The following PCDHGB5 variants were observed in gnomAD, a reference collection of about 807,000 sequenced individuals.
PCDHGB5 encodes protocadherin gamma-B5.
In PCDHGB5, 48 loss-of-function variants were observed where a neutral mutation model predicts 62.9. The ratio of observed to expected loss-of-function variants is 0.76; its 90% CI spans 0.61 to 0.97. PCDHGB5 has a LOEUF of 0.97. Among genes scored for constraint, PCDHGB5 ranks in the 50% least tolerant of loss-of-function variants. The pLI is 0.00. For missense variants in PCDHGB5, 1,118 were observed against 1,198.6 expected (o/e 0.93, Z 0.99); for synonymous variants, 474 against 511.2 (o/e 0.93, Z 0.98).
chr5:141,415,355 G>A (rs1200011688), intron 1 of PCDHGB5: 2 of 1,614,210 alleles, frequency 1.2e-6, no homozygotes, highest in Non-Finnish European at 1.7e-6. Context: ...CACAAGTCAC[G>A]CCTGCTGCAG....
rs1280755615 is a variant in PCDHGB5 at position 141,431,629 on chromosome 5, A to C, written c.2397+31105A>C. On this transcript the variant is annotated intron_variant, in intron 1 of 3. Transcript: ENST00000617380. This position sits in a 1 kb window ranked among gnomAD's most constrained non-coding sequence, Gnocchi z 4.8. ...GGTATGTGGACGACAAGGCGGCCCA[A>C]GTTTTCAAACTAGATTGTAATTCAG... 6.2e-7 allele frequency: 1 copy of C among 1,614,246 alleles called. No individual in the cohort carries two copies. Among genetic ancestry groups the C allele is most frequent in the South Asian group, 1.1e-5 (1 of 91,090 alleles).
chr5:141,502,866 C>CTT (rs549047197), intron 2 of PCDHGB5, among the ~76,000 whole-genome samples: 3 of 128,046 alleles, frequency 2.3e-5, no homozygotes, highest in Non-Finnish European at 3.2e-5. Flanking sequence ...GACTCTCTGT[C>CTT]TTTTTTTTTT....
At chr5:141,444,380 A>G (rs1475986922) in intron 1 of PCDHGB5, among the ~76,000 whole-genome samples, 1 of 151,876 alleles carries the variant, frequency 6.6e-6, no homozygotes, top group Non-Finnish European at 1.5e-5. Context: ...CATGTTGGTC[A>G]GGCTAGTCTT....
chr5:141,402,882 G>C, intron 1 of PCDHGB5: 2 of 1,479,680 alleles, frequency 1.4e-6, no homozygotes, highest in East Asian at 4.8e-5. Context: ...TACTTTGCAG[G>C]GTGGAAGAAA....
chr5:141,401,295 TCA>T (rs2094138879), intron 1 of PCDHGB5, among the ~76,000 whole-genome samples: 2 of 151,856 alleles, frequency 1.3e-5, no homozygotes, highest in Non-Finnish European at 2.9e-5. Flanking sequence ...TGAGCCGAGA[TCA>T]CTCCATTGCA....
chr5:141,478,097 A>G lies in PCDHGB5; in HGVS notation c.2398-16710A>G, dbSNP rs757796085. Reference sequence around the variant, plus strand: ...GGAGCCTTCGCTCTCCACCACTGCTACCCTCACTGTGTCAGTAACCGAGGA... The same window carrying G: ...GGAGCCTTCGCTCTCCACCACTGCTGCCCTCACTGTGTCAGTAACCGAGGA... On this transcript the variant is annotated intron_variant, in intron 1 of 3. Transcript: ENST00000617380. 9.9e-6 allele frequency: 16 copies of G among 1,613,666 alleles called. No homozygotes were observed. Among genetic ancestry groups the G allele is most frequent in the Admixed American group, 1.7e-5 (1 of 59,970 alleles).
Position 141,486,277 on chromosome 5 carries a change from G to A in PCDHGB5, c.2398-8530G>A, listed in dbSNP as rs1156704202. 6.2e-7 allele frequency: 1 copy of A among 1,614,020 alleles called. No individual in the cohort carries two copies. The highest frequency in any genetic ancestry group is 1.1e-5 in the South Asian group (1 of 91,056). ...CCGAGAGTGCAGAACCTGGCACTGT[G>A]GTGGCACTTATCAGTGTGCAGGATC... On this transcript the variant is annotated intron_variant, in intron 1 of 3. Transcript: ENST00000617380. The surrounding 1 kb of genome is among the most constrained non-coding windows in gnomAD (Gnocchi z 5.0).
chr5:141,492,125 C>T (rs1284932830), intron 1 of PCDHGB5, among the ~76,000 whole-genome samples: 1 of 152,222 alleles, frequency 6.6e-6, no homozygotes, highest in Non-Finnish European at 1.5e-5. Context: ...TTCTCCCCAG[C>T]TCCCAGCATC....
At chr5:141,403,153 C>T (rs2094362720) in intron 1 of PCDHGB5, 2 of 1,614,060 alleles carry the variant, frequency 1.2e-6, no homozygotes, top group Non-Finnish European at 1.7e-6. Flanking sequence ...TCCGCATCGT[C>T]TCTAGAGGTA....
chr5:141,457,579 A>G (rs557894260), intron 1 of PCDHGB5, among the ~76,000 whole-genome samples: 123 of 152,346 alleles, frequency 8.1e-4, no homozygotes, highest in Non-Finnish European at 1.4e-3. Flanking sequence ...TTTTCTCTCC[A>G]GTCCTCATTT....
intron 1 of PCDHGB5, chr5:141,409,073 A>G (rs200127436): frequency 6.2e-7 from 1 of 1,613,866 alleles, no homozygotes. Context: ...CACAAAACAT[A>G]TGTTCTCATT....
At chr5:141,422,604 T>C in intron 1 of PCDHGB5, 1 of 1,614,030 alleles carries the variant, frequency 6.2e-7, no homozygotes, top group Non-Finnish European at 8.5e-7. Flanking sequence ...CCTCTTACTC[T>C]GCCTACATTC....
chr5:141,507,716 C>T (rs567867232), intron 3 of PCDHGB5, among the ~76,000 whole-genome samples: 1 of 152,372 alleles, frequency 6.6e-6, no homozygotes, highest in South Asian at 2.1e-4. Flanking sequence ...CCCAAACCCT[C>T]CAAGCAAGTC....
intron 1 of PCDHGB5, among the ~76,000 whole-genome samples, chr5:141,488,613 A>C (rs1214413025): frequency 1.3e-5 from 2 of 152,158 alleles, no homozygotes; most frequent in Non-Finnish European, 2.9e-5. Flanking sequence ...GTTCTTACTA[A>C]TCTTTTCTCT....
At chr5:141,507,432 C>T (rs2099860585) in intron 3 of PCDHGB5, 1 of 152,198 alleles carries the variant, frequency 6.6e-6, no homozygotes. Flanking sequence ...GGGGCCAGGC[C>T]TACAGCTGAC....
intron 1 of PCDHGB5, among the ~76,000 whole-genome samples, chr5:141,460,270 C>T (rs1223096441): frequency 6.6e-6 from 1 of 151,828 alleles, no homozygotes; most frequent in Non-Finnish European, 1.5e-5. Context: ...TTTATTTTTT[C>T]TTTTATAGTT....
chr5:141,486,637 G>A lies in PCDHGB5; in HGVS notation c.2398-8170G>A, dbSNP rs761072169. On this transcript the variant is annotated intron_variant, in intron 1 of 3. Transcript: ENST00000617380. The surrounding 1 kb of genome is among the most constrained non-coding windows in gnomAD (Gnocchi z 5.0). ...CTGACCCAGACTCTGGCTTGAATGC[G>A]CTTATCTCCTACTCACTCCTGGAGC... 3.1e-5 allele frequency: 50 copies of A among 1,613,520 alleles called. No individual in the cohort carries two copies. The highest frequency in any genetic ancestry group is 5.0e-5 in the Admixed American group (3 of 60,000).
chr5:141,403,054 A>G, intron 1 of PCDHGB5: 6 of 1,614,062 alleles, frequency 3.7e-6, no homozygotes, highest in Non-Finnish European at 5.1e-6. Flanking sequence ...TTCGCTACTC[A>G]GTGCCTGAAG....
intron 1 of PCDHGB5, chr5:141,429,047 GGTTTCACC>G (rs1254088441): frequency 1.3e-5 from 2 of 152,034 alleles, no homozygotes; most frequent in Non-Finnish European, 2.9e-5. Flanking sequence ...GTACAGACGG[GGTTTCACC>G]GTGTTAGCCA....
Sources: allele counts gnomAD v4.1 joint callset (sites outside exome capture counted in the v4.1 genomes callset), GRCh38; gene constraint gnomAD v4.1.1; non-coding constraint Gnocchi (gnomAD v3.1); transcripts MANE v1.5; gene names NCBI Gene and HGNC (gene_info 2026-07-23, HGNC 2026-07-21).